PTPRN2: variants seen among roughly 807,000 people sequenced by gnomAD.
PTPRN2 encodes receptor-type tyrosine-protein phosphatase N2.
PTPRN2 carries 74 observed loss-of-function variants against 118.8 expected under a neutral mutation model. The observed-to-expected ratio is 0.62, with a 90% CI of 0.52 to 0.76. The LOEUF (loss-of-function observed/expected upper bound fraction) is 0.76, where lower values mean the gene tolerates loss of function less well. Ranked by LOEUF, PTPRN2 falls within the 30% of genes least tolerant of loss-of-function variation. PTPRN2 has a pLI of 0.00. For missense variants in PTPRN2, 1,481 were observed against 1,394.4 expected (o/e 1.06, Z -0.99); for synonymous variants, 641 against 608.0 (o/e 1.05, Z -0.80).
In PTPRN2 at chr7:158,280,258, G is replaced by C. The variant is rs539252180; in HGVS notation, c.277+36561C>G. Among the ~76,000 whole-genome samples the C allele has an allele frequency of 1.2e-4, 18 of 152,308 alleles. No individual in the cohort carries two copies. The South Asian group carries it at 3.5e-3, about 30-fold the overall frequency. ...CCCAATCGGAAAGCAGGTCCTCTCC[G>C]GCCTGAAGCTGCGAAGAGAGGCAGC... On this transcript the variant is annotated intron_variant, in intron 3 of 22. Coordinates refer to ENST00000389418, the MANE Select transcript of PTPRN2 (RefSeq NM_002847.5).
chr7:158,587,531 G>GC, intron 1 of PTPRN2, 27 bp downstream of exon 1: 1 of 1,226,250 alleles, frequency 8.2e-7, no homozygotes, highest in Non-Finnish European at 1.0e-6. Flanking sequence ...TCATTGAGGC[G>GC]CCCCTCCCCC....
intron 11 of PTPRN2, among the ~76,000 whole-genome samples, chr7:158,011,026 T>G (rs1427765239): frequency 2.0e-5 from 3 of 152,218 alleles, no homozygotes; most frequent in African/African-American, 7.2e-5. Flanking sequence ...GACGGAATCC[T>G]GAAATAGGAC....
intron 10 of PTPRN2, among the ~76,000 whole-genome samples, chr7:158,108,173 GCCTGCCAATTAAAGCCCCATGCA>G (rs1440293612): frequency 1.3e-5 from 2 of 151,566 alleles, no homozygotes; most frequent in Admixed American, 6.6e-5. Context: ...GTCTGCATGA[GCCTGCCAATTAAAGCCCCATGCA>G]CCTGCCACCT....
At chr7:157,703,709 A>G (rs1798191151) in intron 12 of PTPRN2, among the ~76,000 whole-genome samples, 1 of 151,570 alleles carries the variant, frequency 6.6e-6, no homozygotes, top group Non-Finnish European at 1.5e-5. Flanking sequence ...CTGCGGTCCA[A>G]CCCCCACCTC....
Position 157,627,264 on chromosome 7 carries a change from G to A in PTPRN2, c.2197-5755C>T, listed in dbSNP as rs1360439783. 1.3e-5 allele frequency among the ~76,000 whole-genome samples: 2 copies of A among 152,192 alleles called. No individual in the cohort carries two copies. The highest frequency in any genetic ancestry group is 4.8e-5 in the African/African-American group (2 of 41,444). ...CCCACTTCACACAGCTCCTTGCTCT[G>A]GGCTCTCCGTCAGTGCCTCTGAGTT... On this transcript the variant is annotated intron_variant, in intron 14 of 22. Transcript: ENST00000389418. This position sits in a 1 kb window ranked among gnomAD's most constrained non-coding sequence, Gnocchi z 4.2.
intron 18 of PTPRN2, among the ~76,000 whole-genome samples, chr7:157,577,356 C>T (rs1438932351): frequency 6.6e-6 from 1 of 152,220 alleles, no homozygotes; most frequent in African/African-American, 2.4e-5. Context: ...CTCTAACTCG[C>T]TTCCTGCTGT....
At chr7:157,855,880 C>A (rs952319099) in intron 12 of PTPRN2, 1 of 152,254 alleles carries the variant, frequency 6.6e-6, no homozygotes, top group Non-Finnish European at 1.5e-5. Context: ...CCCAACTGCA[C>A]GGCACCATCA....
chr7:158,130,566 T>C (rs1008085037), intron 9 of PTPRN2, among the ~76,000 whole-genome samples: 1 of 148,804 alleles, frequency 6.7e-6, no homozygotes, highest in Non-Finnish European at 1.5e-5. Flanking sequence ...CATACACTCA[T>C]ATACACACAT....
chr7:158,113,027 A>T, intron 9 of PTPRN2, among the ~76,000 whole-genome samples: 1 of 150,514 alleles, frequency 6.6e-6, no homozygotes, highest in African/African-American at 2.4e-5. Context: ...GCCCCCCGGC[A>T]TTTAGGGCCC....
chr7:157,898,298 G>A (rs67872903), intron 12 of PTPRN2, among the ~76,000 whole-genome samples: 51,582 of 152,138 alleles, frequency 0.34, 9,143 homozygotes, highest in East Asian at 0.53. Context: ...GTCCCACTGA[G>A]TCCCAGGAGG....
At chr7:157,630,558 C>T (rs552925801) in intron 14 of PTPRN2, among the ~76,000 whole-genome samples, 40 of 152,330 alleles carry the variant, frequency 2.6e-4, no homozygotes, top group African/African-American at 8.4e-4. Flanking sequence ...ACGGGTCTTA[C>T]TCAACAGCTG....
chr7:157,747,221 G>GTCT, intron 12 of PTPRN2, among the ~76,000 whole-genome samples: 1 of 128,928 alleles, frequency 7.8e-6, no homozygotes, highest in African/African-American at 3.2e-5. Flanking sequence ...CCTGAGCTGT[G>GTCT]GGCTGTTGAG....
chr7:157,847,061 T>G lies in PTPRN2; in HGVS notation c.1788+51612A>C, dbSNP rs1305091368. 6.9e-5 allele frequency among the ~76,000 whole-genome samples: 8 copies of G among 116,092 alleles called. No individual in the cohort carries two copies. The South Asian group carries it at 2.6e-3, about 38-fold the overall frequency. 76.2% of individuals were successfully genotyped at this position (116,092 alleles called of 152,430 possible). ...CCGATGTTTACAGAGCCCTCTCTCA[T>G]TACATCTTCTGTGCCCGATGTTTAC... On this transcript the variant is annotated intron_variant, in intron 12 of 22. Coordinates refer to ENST00000389418, the MANE Select transcript of PTPRN2 (RefSeq NM_002847.5).
chr7:157,762,654 T>G, intron 12 of PTPRN2, among the ~76,000 whole-genome samples: 5 of 147,702 alleles, frequency 3.4e-5, no homozygotes, highest in South Asian at 2.2e-4. Context: ...AGATGACGAG[T>G]TAGTGGGTGC....
In PTPRN2 at chr7:157,977,008, G is replaced by T. The variant is rs115071841; in HGVS notation, c.1724-78271C>A. On this transcript the variant is annotated intron_variant, in intron 11 of 22. Transcript: ENST00000389418. This position sits in a 1 kb window ranked among gnomAD's most constrained non-coding sequence, Gnocchi z 4.6. ...TTATAGATTTCGTCAAATTTCAGAG[G>T]TATATGTAATTATGAAAAGCCATAA... 9.4e-3 allele frequency among the ~76,000 whole-genome samples: 1,431 copies of T among 151,870 alleles called. 30 individuals carry two copies. The highest frequency in any genetic ancestry group is 0.033 in the African/African-American group (1,368 of 41,442).
intron 6 of PTPRN2, among the ~76,000 whole-genome samples, chr7:158,152,381 C>T (rs557279499): frequency 1.3e-5 from 2 of 152,244 alleles, no homozygotes; most frequent in Admixed American, 1.3e-4. Flanking sequence ...AAGCTGTCTT[C>T]AGGCAGGAGT....
At chr7:158,489,611 C>T in intron 2 of PTPRN2, 124 bp downstream of exon 2, 1 of 1,009,846 alleles carries the variant, frequency 9.9e-7, no homozygotes, top group Non-Finnish European at 1.4e-6. Flanking sequence ...TCCGCCTCCT[C>T]TCGGCAGCGC....
intron 1 of PTPRN2, among the ~76,000 whole-genome samples, chr7:158,568,690 T>C (rs1353215958): frequency 1.3e-5 from 2 of 152,190 alleles, no homozygotes; most frequent in Non-Finnish European, 2.9e-5. Flanking sequence ...TTTTCTATCT[T>C]TTTAATTTCA....
intron 12 of PTPRN2, among the ~76,000 whole-genome samples, chr7:157,709,907 G>A: frequency 6.6e-6 from 1 of 152,198 alleles, no homozygotes; most frequent in East Asian, 1.9e-4. Context: ...GATGTTTTGG[G>A]GGAGCAGTGG....
Sources: allele counts gnomAD v4.1 joint callset (sites outside exome capture counted in the v4.1 genomes callset), GRCh38; gene constraint gnomAD v4.1.1; non-coding constraint Gnocchi (gnomAD v3.1); transcripts MANE v1.5; gene names NCBI Gene and HGNC (gene_info 2026-07-23, HGNC 2026-07-21).